ARID1A: variants seen among roughly 807,000 people sequenced by gnomAD.
The protein encoded by ARID1A is AT-rich interactive domain-containing protein 1A.
In ARID1A, 20 loss-of-function variants were observed where a neutral mutation model predicts 212.6. That is an observed-to-expected ratio of 0.09 (90% CI 0.07 to 0.14). The LOEUF (loss-of-function observed/expected upper bound fraction) is 0.14, where lower values mean the gene tolerates loss of function less well. ARID1A is among the 10% of genes least tolerant of loss of function. ARID1A has a pLI of 1.00. For synonymous variants in ARID1A, 1,376 were observed against 1,222.1 expected (o/e 1.13, Z -2.63); for missense variants, 2,587 against 3,059.0 (o/e 0.85, Z 3.64).
At chr1:26,727,841 A>G (rs558910479) in intron 1 of ARID1A, 8 of 152,200 alleles carry the variant, frequency 5.3e-5, no homozygotes, top group Non-Finnish European at 8.8e-5. Flanking sequence ...TGAGATGAGG[A>G]CCTCAGTGTG....
At chr1:26,758,172 C>T (rs979556059) in intron 4 of ARID1A, among the ~76,000 whole-genome samples, 2 of 152,088 alleles carry the variant, frequency 1.3e-5, no homozygotes. Context: ...GACTGTAGGG[C>T]CTAACGAGTG....
At chr1:26,733,034 A>C (rs549731782) in intron 4 of ARID1A, among the ~76,000 whole-genome samples, 1 of 152,190 alleles carries the variant, frequency 6.6e-6, no homozygotes, top group Non-Finnish European at 1.5e-5. Context: ...ACATGGACCC[A>C]CATGAGGGGC....
chr1:26,722,987 T>C (rs1040855149), intron 1 of ARID1A, among the ~76,000 whole-genome samples: 1 of 151,750 alleles, frequency 6.6e-6, no homozygotes, highest in East Asian at 1.9e-4. Flanking sequence ...GGTCTAGGAG[T>C]AAAACTAAGA....
At chr1:26,756,944 C>T (rs548969255) in intron 4 of ARID1A, among the ~76,000 whole-genome samples, 99 of 152,148 alleles carry the variant, frequency 6.5e-4, no homozygotes, top group African/African-American at 2.3e-3. Flanking sequence ...CCTTGTGATC[C>T]GCCCGCCTCA....
At position 26,771,708 on chromosome 1, in the gene ARID1A, C is replaced by T. The variant is rs2081083797; in HGVS notation, c.3406+382C>T. On this transcript the variant is annotated intron_variant, in intron 12 of 19. Coordinates refer to ENST00000324856, the MANE Select transcript of ARID1A (RefSeq NM_006015.6). The surrounding 1 kb of genome is among the most constrained non-coding windows in gnomAD (Gnocchi z 5.4). ...AGCTCAGACTAGAGCCCTGAATTCC[C>T]CAGGGAGCTGAGATGGTAATGAATG... 1 of 229,136 alleles carries T rather than the reference C, an allele frequency of 4.4e-6. No homozygotes were observed. Among genetic ancestry groups the T allele is most frequent in the African/African-American group, 2.3e-5 (1 of 43,558 alleles). 14.2% of individuals were successfully genotyped at this position (229,136 alleles called of 1,614,324 possible).
chr1:26,761,177 C>T (rs2124058017), intron 5 of ARID1A, 81 bp downstream of exon 5: 2 of 1,560,152 alleles, frequency 1.3e-6, no homozygotes, highest in Non-Finnish European at 1.7e-6. Flanking sequence ...CTTCCACTGG[C>T]AGAGAAAGCA....
At chr1:26,743,842 G>C (rs2080811046) in intron 4 of ARID1A, among the ~76,000 whole-genome samples, 1 of 151,544 alleles carries the variant, frequency 6.6e-6, no homozygotes, top group African/African-American at 2.4e-5. Flanking sequence ...CACAGTTTCT[G>C]TTCCCTTTTG....
intron 19 of ARID1A, among the ~76,000 whole-genome samples, chr1:26,777,347 A>G (rs2081146090): frequency 6.6e-6 from 1 of 151,888 alleles, no homozygotes; most frequent in South Asian, 2.1e-4. Context: ...CAGCTTCCCA[A>G]GTGGCTGGGA....
At chr1:26,722,718 C>T (rs776748837) in intron 1 of ARID1A, among the ~76,000 whole-genome samples, 7 of 152,150 alleles carry the variant, frequency 4.6e-5, no homozygotes, top group Non-Finnish European at 1.5e-5. Context: ...AAGTAGAAAA[C>T]TGAGTTATGG....
In ARID1A at chr1:26,761,025, C is replaced by T. The variant is rs370916036; in HGVS notation, c.2090C>T (p.Pro697Leu). 3.1e-6 allele frequency: 5 copies of T among 1,613,952 alleles called. No homozygotes were observed. The highest frequency in any genetic ancestry group is 1.3e-5 in the African/African-American group (1 of 74,900). ...CTGCCTGGCATCCGAGGCCCTTCCC[C>T]GTCCCCTGTTGGCTCTCCCGCCAGT... Reference protein sequence around the residue: ...PHLPGIRGPSPSPVGSPASVA... With the variant: ...PHLPGIRGPSLSPVGSPASVA... The change falls in exon 5 of 20, where the codon CCG (proline) becomes CTG (leucine). Residue 697 changes from proline (P) to leucine (L), a missense_variant. By Grantham distance (98) the Pro-to-Leu change is moderately conservative. Around this residue, in one of 11 missense-constraint regions of ARID1A, gnomAD observed 674 missense variants for 813.4 expected, o/e 0.83. Coordinates refer to ENST00000324856, the MANE Select transcript of ARID1A (RefSeq NM_006015.6).
intron 4 of ARID1A, among the ~76,000 whole-genome samples, chr1:26,740,576 AC>A (rs2080778768): frequency 6.6e-6 from 1 of 152,188 alleles, no homozygotes. Context: ...GTGGGAAGTA[AC>A]AGGAAGGAAA....
intron 1 of ARID1A, among the ~76,000 whole-genome samples, chr1:26,712,050 C>T (rs955958721): frequency 6.6e-6 from 1 of 151,986 alleles, no homozygotes; most frequent in Admixed American, 6.6e-5. Flanking sequence ...CACTGCACTC[C>T]AGCCTAGGTG....
At chr1:26,759,817 T>C (rs963380745) in intron 4 of ARID1A, among the ~76,000 whole-genome samples, 14 of 152,214 alleles carry the variant, frequency 9.2e-5, no homozygotes, top group African/African-American at 1.4e-4. Flanking sequence ...ATTTGTTCAA[T>C]TGGCAAACAT....
chr1:26,734,202 G>A (rs1437602949), intron 4 of ARID1A, among the ~76,000 whole-genome samples: 4 of 152,204 alleles, frequency 2.6e-5, no homozygotes, highest in Non-Finnish European at 2.9e-5. Context: ...CTCATCATCT[G>A]TGGTCTGTGG....
chr1:26,697,437 C>T lies in ARID1A; in HGVS notation c.1034C>T (p.Ala345Val), dbSNP rs2080282681. 2.2e-6 allele frequency: 3 copies of T among 1,353,642 alleles called. No individual in the cohort carries two copies. Among genetic ancestry groups the T allele is most frequent in the African/African-American group, 1.5e-5 (1 of 65,046 alleles). 83.9% of individuals were successfully genotyped at this position (1,353,642 alleles called of 1,614,324 possible). A position where few individuals can be genotyped will look rare whatever the true frequency, so the allele number is the denominator to read the frequency against. ...TGGGGGGCTGCGGCGGCGGCAGCTG[C>T]GGCGGCGGCCGCCTCGGGAGGGGCC... is the stretch of plus-strand genomic sequence containing the variant. ...QCWGAAAAAA[A>V]AAAASGGAQQ... is the part of the protein sequence containing the mutation. Residue 345 changes from alanine (A) to valine (V), a missense_variant, in exon 1 of 20, where the codon GCG (alanine) becomes GTG (valine). Transcript: ENST00000324856.
At chr1:26,723,391 C>A (rs1454202428) in intron 1 of ARID1A, among the ~76,000 whole-genome samples, 1 of 152,180 alleles carries the variant, frequency 6.6e-6, no homozygotes, top group East Asian at 1.9e-4. Flanking sequence ...TCCCTGGAAT[C>A]ACAGGAAGCG....
At position 26,773,593 on chromosome 1, in the gene ARID1A, A is replaced by G. The variant is rs370983765; in HGVS notation, c.3880A>G (p.Ile1294Val). ...PYDRVRTEPG[I>V]GPEGNMSTGA... Reference sequence around the variant, plus strand: ...AATTTTGTTTAGGACGGAGCCTGGAATAGGGCCTGAGGGAAACATGAGCAC... The same window carrying G: ...AATTTTGTTTAGGACGGAGCCTGGAGTAGGGCCTGAGGGAAACATGAGCAC... Residue 1294 changes from isoleucine (I) to valine (V), a missense_variant, in exon 16 of 20, where the codon ATA becomes GTA. Around this residue, in one of 11 missense-constraint regions of ARID1A, gnomAD observed 890 missense variants for 1,098.2 expected, o/e 0.81. Coordinates refer to ENST00000324856, the MANE Select transcript of ARID1A (RefSeq NM_006015.6). 1.2e-5 allele frequency: 20 copies of G among 1,614,080 alleles called. No individual in the cohort carries two copies. Among genetic ancestry groups the G allele is most frequent in the African/African-American group, 6.7e-5 (5 of 74,916 alleles).
At chr1:26,760,318 G>A (rs967524356) in intron 4 of ARID1A, among the ~76,000 whole-genome samples, 2 of 152,182 alleles carry the variant, frequency 1.3e-5, no homozygotes, top group African/African-American at 4.8e-5. Context: ...AGTTTTGAAG[G>A]AGGCTTTATG....
rs562776604 is a variant in ARID1A at position 26,700,246 on chromosome 1, A to G, written c.1137+2706A>G. ...TCAGACCATGATGCTCTACTCTTCA[A>G]CATTCTTAAATTAAAAAGTCTTGCT... On this transcript the variant is annotated intron_variant, in intron 1 of 19. Coordinates refer to ENST00000324856, the MANE Select transcript of ARID1A (RefSeq NM_006015.6). Among the ~76,000 whole-genome samples the G allele has an allele frequency of 4.6e-5, 7 of 152,360 alleles. No homozygotes were observed. The East Asian group carries it at 9.6e-4, about 21-fold the overall frequency.
Sources: allele counts gnomAD v4.1 joint callset (sites outside exome capture counted in the v4.1 genomes callset), GRCh38; gene constraint gnomAD v4.1.1; regional missense constraint gnomAD v4.1.1; non-coding constraint Gnocchi (gnomAD v3.1); transcripts MANE v1.5; gene names NCBI Gene and HGNC (gene_info 2026-07-23, HGNC 2026-07-21).